The following LRRC63 variants were observed in gnomAD, a reference collection of about 807,000 sequenced individuals.
The protein encoded by LRRC63 is leucine rich repeat containing 63.
LRRC63 carries 40 observed loss-of-function variants against 49.5 expected under a neutral mutation model. The ratio of observed to expected loss-of-function variants is 0.81; its 90% CI spans 0.63 to 1.05. The LOEUF is 1.05. LRRC63 is among the 50% of genes least tolerant of loss of function. LRRC63 has a pLI of 0.00. For missense variants in LRRC63, 636 were observed against 663.1 expected, an observed-to-expected ratio of 0.96 and a Z score of 0.45; for synonymous variants, 191 against 221.1, an observed-to-expected ratio of 0.86 and a Z score of 1.21.
intron 6 of LRRC63, chr13:46,250,061 C>G (rs1474286390): frequency 5.7e-6 from 1 of 176,752 alleles, no homozygotes; most frequent in Non-Finnish European, 1.2e-5. Context: ...GTGATTTCCT[C>G]GTATGAAACC....
intron 4 of LRRC63, 66 bp from the exon 5 acceptor site, chr13:46,234,126 T>A: frequency 7.2e-7 from 1 of 1,389,572 alleles, no homozygotes; most frequent in South Asian, 1.3e-5. Flanking sequence ...GATAAATACC[T>A]CTTAACTTTC....
At chr13:46,269,906 C>CATATATATATATATATAT (rs149054055) in intron 9 of LRRC63, among the ~76,000 whole-genome samples, 31 of 145,628 alleles carry the variant, frequency 2.1e-4, no homozygotes, top group Middle Eastern at 3.6e-3. Context: ...ACACTATATA[C>CATATATATATATATATAT]ATATATATAT....
intron 9 of LRRC63, among the ~76,000 whole-genome samples, chr13:46,274,722 T>A (rs1166612831): frequency 6.6e-6 from 1 of 152,222 alleles, no homozygotes; most frequent in Non-Finnish European, 1.5e-5. Context: ...TTTTTTCTTT[T>A]ATTTTTAGTT....
At chr13:46,237,642 A>G (rs2046940028) in intron 5 of LRRC63, among the ~76,000 whole-genome samples, 1 of 152,144 alleles carries the variant, frequency 6.6e-6, no homozygotes, top group African/African-American at 2.4e-5. Flanking sequence ...CAGTAGAGAA[A>G]ATTAATGGAA....
intron 4 of LRRC63, 71 bp downstream of exon 4, chr13:46,228,804 AT>A: frequency 9.2e-7 from 1 of 1,083,404 alleles, no homozygotes; most frequent in Non-Finnish European, 1.4e-6. Flanking sequence ...ATTATGGGTG[AT>A]TTTTTGTGTT....
chr13:46,218,917 C>T (rs187023230), intron 2 of LRRC63, among the ~76,000 whole-genome samples: 1,671 of 152,228 alleles, frequency 0.011, 19 homozygotes, highest in Admixed American at 0.016. Flanking sequence ...TTTAAGAATG[C>T]TGAATATTGG....
At chr13:46,227,711 T>G in exon 3 of LRRC63, 1 of 1,550,440 alleles carries the variant, frequency 6.4e-7, no homozygotes, top group Non-Finnish European at 8.7e-7. Flanking sequence ...CTACTAAGCA[T>G]GTCCGTGAGC....
chr13:46,217,857 G>A (rs1038058997), intron 2 of LRRC63, among the ~76,000 whole-genome samples: 1 of 152,074 alleles, frequency 6.6e-6, no homozygotes, highest in Non-Finnish European at 1.5e-5. Context: ...CCTGAATTTC[G>A]TTATTTACCC....
At chr13:46,254,462 G>A (rs540773854) in intron 7 of LRRC63, among the ~76,000 whole-genome samples, 1 of 152,134 alleles carries the variant, frequency 6.6e-6, no homozygotes, top group East Asian at 1.9e-4. Context: ...TGAACAGGAG[G>A]AGTAACCATT....
intron 2 of LRRC63, among the ~76,000 whole-genome samples, chr13:46,218,868 T>C (rs1243049240): frequency 6.6e-6 from 1 of 152,222 alleles, no homozygotes; most frequent in African/African-American, 2.4e-5. Flanking sequence ...TGAAGCTTAG[T>C]TGGGCTGGAT....
At chr13:46,276,846 ATATATT>A (rs1220296873) in exon 10 of LRRC63, 145 of 147,786 alleles carry the variant, frequency 9.8e-4, no homozygotes, top group African/African-American at 3.9e-3. Flanking sequence ...ATATATATAT[ATATATT>A]TATATATATA....
intron 4 of LRRC63, among the ~76,000 whole-genome samples, chr13:46,231,333 G>A (rs2046748725): frequency 6.6e-6 from 1 of 152,150 alleles, no homozygotes; most frequent in Non-Finnish European, 1.5e-5. Context: ...GAGAAAAGAG[G>A]TTTAATTGGT....
intron 7 of LRRC63, among the ~76,000 whole-genome samples, chr13:46,260,480 C>A (rs2047596725): frequency 6.6e-6 from 1 of 152,132 alleles, no homozygotes; most frequent in Admixed American, 6.5e-5. Flanking sequence ...TACTAGACAG[C>A]ATGTAAGGCA....
intron 2 of LRRC63, among the ~76,000 whole-genome samples, chr13:46,217,141 A>G (rs976303234): frequency 5.3e-5 from 8 of 152,150 alleles, no homozygotes; most frequent in South Asian, 2.1e-4. Context: ...GTTAGGGAGG[A>G]GTCCCTCTTT....
chr13:46,227,707 A>C, exon 3 of LRRC63: 1 of 1,550,488 alleles, frequency 6.4e-7, no homozygotes, highest in Non-Finnish European at 8.7e-7. Context: ...AAATCTACTA[A>C]GCATGTCCGT....
At chr13:46,240,745 G>T (rs915112603) in intron 5 of LRRC63, among the ~76,000 whole-genome samples, 1 of 152,074 alleles carries the variant, frequency 6.6e-6, no homozygotes, top group Non-Finnish European at 1.5e-5. Flanking sequence ...GCCACATAAA[G>T]AATAAGATCT....
rs538198389 is a variant in LRRC63, at chr13:46,276,250, A to G, written c.1551-340A>G. Among the ~76,000 whole-genome samples, 37 of 151,286 alleles carry G rather than the reference A, an allele frequency of 2.4e-4. No homozygotes were observed. The East Asian group carries it at 6.0e-3, about 24-fold the overall frequency. ...AAAAATAACATGTTTATTATAAAAA[A>G]TTAGAAAATAAAGAAACACATTATA... On this transcript the variant is annotated intron_variant, in intron 9 of 9. Coordinates refer to ENST00000595396, the Ensembl canonical transcript of LRRC63.
chr13:46,253,423 A>G (rs924376147), intron 7 of LRRC63, among the ~76,000 whole-genome samples: 2 of 152,092 alleles, frequency 1.3e-5, no homozygotes, highest in African/African-American at 2.4e-5. Context: ...ACACCATAAT[A>G]AATATATGAA....
chr13:46,223,477 T>TTG (rs547324323), intron 2 of LRRC63, among the ~76,000 whole-genome samples: 15,732 of 141,068 alleles, frequency 0.11, 895 homozygotes, highest in African/African-American at 0.2. Flanking sequence ...GGCTGACAGT[T>TTG]TTTTTTGTTT....
Sources: allele counts gnomAD v4.1 joint callset (sites outside exome capture counted in the v4.1 genomes callset), GRCh38; gene constraint gnomAD v4.1.1; transcripts MANE v1.5; gene names NCBI Gene and HGNC (gene_info 2026-07-23, HGNC 2026-07-21).